The following CNTNAP2 variants were observed in gnomAD, a reference collection of about 807,000 sequenced individuals.
CNTNAP2 encodes contactin associated protein 2.
In CNTNAP2, 98 loss-of-function variants were observed where a neutral mutation model predicts 155.2. The observed-to-expected ratio is 0.63, with a 90% CI of 0.54 to 0.75. CNTNAP2 has a LOEUF of 0.75. Among genes scored for constraint, CNTNAP2 ranks in the 30% least tolerant of loss-of-function variants. The probability of loss-of-function intolerance (pLI) is 0.00; values close to 1 mark genes in which losing one functional copy is unlikely to be tolerated. For missense variants in CNTNAP2, 1,727 were observed against 1,688.1 expected, an observed-to-expected ratio of 1.02 and a Z score of -0.40; for synonymous variants, 651 against 631.2, an observed-to-expected ratio of 1.03 and a Z score of -0.47.
rs559641088 is a variant in CNTNAP2, at chr7:146,536,588, G to GT, written c.98-237681dup. 2.3e-4 allele frequency among the ~76,000 whole-genome samples: 33 copies of GT among 140,910 alleles called. 1 individual carries two copies. In the East Asian group the frequency reaches 6.4e-3, roughly 27 times the overall value. The allele number at this position is 140,910 out of a possible 152,430, so 92.4% of individuals were successfully genotyped here. A position where few individuals can be genotyped will look rare whatever the true frequency, so the allele number is the denominator to read the frequency against. The stretch of plus-strand genomic sequence containing the variant: ...GACTGCTCACTGCTGCCTCCCCCAT[G>GT]TTCCCCCCCCACCACCATTTTTAAA... On this transcript the variant is annotated intron_variant, in intron 1 of 23. Coordinates refer to ENST00000361727, the MANE Select transcript of CNTNAP2 (RefSeq NM_014141.6).
In CNTNAP2 at chr7:147,615,869, G is replaced by A. The variant is rs145580669; in HGVS notation, c.1898-23237G>A. On this transcript the variant is annotated intron_variant, in intron 12 of 23. Transcript: ENST00000361727. ...TAACATTGAAATACCACTTAAGTCCGTTGATGACTCTCTTTCTGTTGAAAC... is the reference window on the plus strand; with the variant it reads ...TAACATTGAAATACCACTTAAGTCCATTGATGACTCTCTTTCTGTTGAAAC... Among the ~76,000 whole-genome samples, 541 of 152,094 alleles carry A rather than the reference G, an allele frequency of 3.6e-3. 8 individuals are homozygous for A. The highest frequency in any genetic ancestry group is 0.012 in the African/African-American group (509 of 41,500).
chr7:148,044,004 G>A (rs1230542076), intron 15 of CNTNAP2, among the ~76,000 whole-genome samples: 2 of 152,062 alleles, frequency 1.3e-5, no homozygotes, highest in African/African-American at 4.8e-5. Context: ...GTCTTACATG[G>A]TTAAAGATAC....
chr7:146,981,714 T>A (rs112948085), intron 3 of CNTNAP2, among the ~76,000 whole-genome samples: 152 of 152,302 alleles, frequency 1.0e-3, no homozygotes, highest in African/African-American at 3.3e-3. Context: ...AGTGGAATAT[T>A]TTCATGAATC....
intron 15 of CNTNAP2, among the ~76,000 whole-genome samples, chr7:148,050,249 A>C (rs1275759277): frequency 6.6e-6 from 1 of 152,204 alleles, no homozygotes; most frequent in Non-Finnish European, 1.5e-5. Flanking sequence ...AGGAGCTGGC[A>C]GCTCTGTGTG....
chr7:148,134,956 G>A (rs1804905649), intron 16 of CNTNAP2, among the ~76,000 whole-genome samples: 1 of 151,686 alleles, frequency 6.6e-6, no homozygotes, highest in Non-Finnish European at 1.5e-5. Flanking sequence ...TGAGATCATA[G>A]GGTACATACT....
chr7:146,339,419 G>C (rs898846435), intron 1 of CNTNAP2, among the ~76,000 whole-genome samples: 1 of 152,008 alleles, frequency 6.6e-6, no homozygotes, highest in East Asian at 1.9e-4. Context: ...TCTTTTATGG[G>C]ATATACAATT....
intron 22 of CNTNAP2, among the ~76,000 whole-genome samples, chr7:148,390,355 C>G (rs1363962415): frequency 6.6e-6 from 1 of 152,024 alleles, no homozygotes; most frequent in Admixed American, 6.5e-5. Flanking sequence ...GTGAAAGCAC[C>G]TCATTATGAG....
chr7:147,140,460 G>C (rs1801569558), intron 8 of CNTNAP2, among the ~76,000 whole-genome samples: 1 of 151,770 alleles, frequency 6.6e-6, no homozygotes, highest in Non-Finnish European at 1.5e-5. Context: ...ATTATTTTAG[G>C]TCATAACTTC....
intron 8 of CNTNAP2, among the ~76,000 whole-genome samples, chr7:147,295,642 C>CCTTCAGGATACTATTT (rs1805426126): frequency 1.3e-5 from 2 of 152,094 alleles, no homozygotes; most frequent in Non-Finnish European, 2.9e-5. Context: ...CTGGAGACAG[C>CCTTCAGGATACTATTT]CTTCAGGATA....
In CNTNAP2 at chr7:147,375,529, T is replaced by C. The variant is rs369190477; in HGVS notation, c.1499-20080T>C. 5.0e-3 allele frequency among the ~76,000 whole-genome samples: 765 copies of C among 152,172 alleles called. 8 individuals are homozygous for C. Among genetic ancestry groups the C allele is most frequent in the Middle Eastern group, 0.037 (11 of 294 alleles). Reference sequence around the variant, plus strand: ...TTTTAGGGAGGAACAGAAGGTTACATGGCTGCCTTGAGTGGTGTAGGGGGC... The same window carrying C: ...TTTTAGGGAGGAACAGAAGGTTACACGGCTGCCTTGAGTGGTGTAGGGGGC... On this transcript the variant is annotated intron_variant, in intron 9 of 23. Coordinates refer to ENST00000361727, the MANE Select transcript of CNTNAP2 (RefSeq NM_014141.6).
intron 2 of CNTNAP2, among the ~76,000 whole-genome samples, chr7:146,808,362 A>C (rs968602884): frequency 3.9e-5 from 6 of 152,202 alleles, no homozygotes; most frequent in African/African-American, 1.4e-4. Context: ...CTAAACTGTA[A>C]AATGTGTCCA....
At chr7:146,661,331 A>G (rs1800083554) in intron 1 of CNTNAP2, among the ~76,000 whole-genome samples, 1 of 151,788 alleles carries the variant, frequency 6.6e-6, no homozygotes, top group South Asian at 2.1e-4. Context: ...ATGCATTGAA[A>G]TTCACCATTT....
chr7:147,491,643 A>G (rs1798611455), intron 11 of CNTNAP2, among the ~76,000 whole-genome samples: 1 of 152,216 alleles, frequency 6.6e-6, no homozygotes, highest in Non-Finnish European at 1.5e-5. Context: ...GTGAATATGC[A>G]CTGCCTCCAA....
chr7:147,709,109 A>G (rs1422548871), intron 13 of CNTNAP2, among the ~76,000 whole-genome samples: 1 of 152,146 alleles, frequency 6.6e-6, no homozygotes, highest in East Asian at 1.9e-4. Flanking sequence ...TAGATCCTTC[A>G]GGATCTGTCT....
At chr7:147,780,784 T>C (rs1391260130) in intron 13 of CNTNAP2, among the ~76,000 whole-genome samples, 1 of 152,156 alleles carries the variant, frequency 6.6e-6, no homozygotes, top group Non-Finnish European at 1.5e-5. Context: ...GTATAAGAAG[T>C]GGGGTCTGCT....
At chr7:148,205,343 A>G (rs6977696) in intron 18 of CNTNAP2, among the ~76,000 whole-genome samples, 50,043 of 152,160 alleles carry the variant, frequency 0.33, 8,395 homozygotes, top group South Asian at 0.43. Context: ...AAGAAACAAT[A>G]TAATTTCTAA....
At chr7:148,129,684 A>G (rs977494507) in intron 16 of CNTNAP2, among the ~76,000 whole-genome samples, 1 of 152,242 alleles carries the variant, frequency 6.6e-6, no homozygotes, top group African/African-American at 2.4e-5. Context: ...CTGACTGACC[A>G]GAGACCAGTC....
chr7:147,074,202 T>C (rs1799952609), intron 4 of CNTNAP2, among the ~76,000 whole-genome samples: 1 of 152,084 alleles, frequency 6.6e-6, no homozygotes, highest in Admixed American at 6.6e-5. Context: ...CTTCTTTTGT[T>C]GTTTCTGGAG....
intron 13 of CNTNAP2, among the ~76,000 whole-genome samples, chr7:147,825,883 A>G (rs556229823): frequency 2.0e-5 from 3 of 152,278 alleles, no homozygotes; most frequent in Non-Finnish European, 2.9e-5. Flanking sequence ...TGTTGAAGAT[A>G]GAAGGTGGGA....
Sources: gnomAD v4.1 joint callset for allele counts (sites outside exome capture counted in the v4.1 genomes callset) on GRCh38, gnomAD v4.1.1 for gene constraint, MANE v1.5 for transcripts, NCBI Gene and HGNC (gene_info 2026-07-23, HGNC 2026-07-21) for gene names.